The following ITPK1 variants were observed in gnomAD, a reference collection of about 807,000 sequenced individuals.
ITPK1 encodes inositol-tetrakisphosphate 1-kinase, also known as inositol 1,3,4-trisphosphate 5/6-kinase.
A neutral mutation model predicts 45.3 loss-of-function variants in ITPK1; 21 were observed. That is an observed-to-expected ratio of 0.46 (90% CI 0.33 to 0.67). The LOEUF (loss-of-function observed/expected upper bound fraction) is 0.67. ITPK1 is among the 30% of genes least tolerant of loss of function. ITPK1 has a pLI of 0.02. For missense variants in ITPK1, 474 were observed against 573.5 expected (o/e 0.83, Z 1.77); for synonymous variants, 258 against 253.6 (o/e 1.02, Z -0.16).
At chr14:92,962,714 A>G (rs757379555) in intron 6 of ITPK1, 37 bp downstream of exon 6, 13 of 1,491,874 alleles carry the variant, frequency 8.7e-6, no homozygotes, top group Non-Finnish European at 1.2e-5. Flanking sequence ...TGCGGTCTAC[A>G]GCGCCTGCCC....
chr14:93,042,887 G>A lies in ITPK1; in HGVS notation c.121-26086C>T, dbSNP rs149612761. Among the ~76,000 whole-genome samples the A allele has an allele frequency of 7.4e-3, 1,125 of 152,126 alleles. 16 individuals carry two copies. Among genetic ancestry groups the A allele is most frequent in the African/African-American group, 0.025 (1,045 of 41,504 alleles). ...TCAAGAATTACCCAGGCATGGTGGC[G>A]TGCACCTGCAATCGCAGCTACTCGG... On this transcript the variant is annotated intron_variant, in intron 3 of 10. Coordinates refer to ENST00000267615, the MANE Select transcript of ITPK1 (RefSeq NM_014216.6).
chr14:92,976,056 T>G (rs1306644466), intron 5 of ITPK1, among the ~76,000 whole-genome samples: 1 of 152,232 alleles, frequency 6.6e-6, no homozygotes, highest in African/African-American at 2.4e-5. Context: ...GTAAGTTTCC[T>G]AAGGCCTCCC....
chr14:93,083,431 G>A (rs1891521777), intron 2 of ITPK1, among the ~76,000 whole-genome samples: 1 of 152,184 alleles, frequency 6.6e-6, no homozygotes, highest in Non-Finnish European at 1.5e-5. Context: ...TGCAGCAAGT[G>A]AAGTACATGA....
chr14:92,968,737 G>C lies in ITPK1; in HGVS notation c.365-5888C>G, dbSNP rs115360435. ...TTGGGTGGCCAGGAAAGGTCTGCAC[G>C]GTCATTCTTGTTCATTCGTCCCAGG... On this transcript the variant is annotated intron_variant, in intron 5 of 10. Transcript: ENST00000267615. Among the ~76,000 whole-genome samples the C allele has an allele frequency of 6.5e-3, 983 of 152,326 alleles. 13 individuals carry two copies. The highest frequency in any genetic ancestry group is 0.023 in the African/African-American group (943 of 41,570).
chr14:93,080,738 T>C (rs1196560875), intron 2 of ITPK1, among the ~76,000 whole-genome samples: 1 of 151,994 alleles, frequency 6.6e-6, no homozygotes, highest in African/African-American at 2.4e-5. Context: ...ACAATAAAAG[T>C]TACATTTTTT....
At chr14:93,024,977 G>C (rs1036580818) in intron 3 of ITPK1, among the ~76,000 whole-genome samples, 1 of 152,174 alleles carries the variant, frequency 6.6e-6, no homozygotes, top group African/African-American at 2.4e-5. Flanking sequence ...GAGGGGGCCA[G>C]AGGCAGGGAA....
At chr14:93,108,200 G>T (rs371103805) in intron 2 of ITPK1, among the ~76,000 whole-genome samples, 9 of 152,388 alleles carry the variant, frequency 5.9e-5, no homozygotes, top group Admixed American at 4.6e-4. Flanking sequence ...AGGTGTTTAA[G>T]ACAGTGACTT....
intron 2 of ITPK1, among the ~76,000 whole-genome samples, chr14:93,090,247 A>G (rs1007150432): frequency 3.3e-5 from 5 of 151,608 alleles, no homozygotes; most frequent in Non-Finnish European, 7.4e-5. Context: ...GTTCTTTCAC[A>G]CTTCTGACCA....
intron 2 of ITPK1, among the ~76,000 whole-genome samples, chr14:93,085,124 C>G (rs568114999): frequency 1.3e-5 from 2 of 152,352 alleles, no homozygotes; most frequent in South Asian, 4.1e-4. Flanking sequence ...GGTTTACTTG[C>G]TGATTGTTTG....
intron 2 of ITPK1, among the ~76,000 whole-genome samples, chr14:93,098,937 C>T (rs1892198522): frequency 6.6e-6 from 1 of 152,180 alleles, no homozygotes; most frequent in Non-Finnish European, 1.5e-5. Flanking sequence ...CCACTCGTTT[C>T]AGAAAGGAAC....
intron 1 of ITPK1, 145 bp from the exon 2 acceptor site, chr14:93,115,450 C>T (rs926187526): frequency 6.7e-6 from 1 of 148,802 alleles, no homozygotes; most frequent in African/African-American, 2.4e-5. Flanking sequence ...CCCACCGGCT[C>T]GCGAGCGCCG....
At chr14:93,110,360 A>T (rs1477343633) in intron 2 of ITPK1, among the ~76,000 whole-genome samples, 2 of 152,118 alleles carry the variant, frequency 1.3e-5, no homozygotes, top group African/African-American at 2.4e-5. Context: ...TAAAACAAAT[A>T]AAAAAATACC....
intron 3 of ITPK1, among the ~76,000 whole-genome samples, chr14:93,067,181 T>A (rs965790454): frequency 6.6e-6 from 1 of 152,226 alleles, no homozygotes; most frequent in African/African-American, 2.4e-5. Flanking sequence ...CTCTTTTCTT[T>A]GCTTTTACGT....
Position 93,076,510 on chromosome 14 carries a change from T to A in ITPK1, c.120+85A>T, listed in dbSNP as rs762206714. The A allele has an allele frequency of 4.7e-5, 69 of 1,461,664 alleles. No individual in the cohort carries two copies. Among genetic ancestry groups the A allele is most frequent in the Non-Finnish European group, 6.0e-5 (63 of 1,045,572 alleles). The allele number at this position is 1,461,664 out of a possible 1,614,324, so 90.5% of individuals were successfully genotyped here. A position where few individuals can be genotyped will look rare whatever the true frequency, so the allele number is the denominator to read the frequency against. ...GAAGAAGAGAGAAAGCCGTGCCCAA[T>A]GCTGGAGGAGAGAAGGAGAGACAGA... On this transcript the variant is annotated intron_variant, in intron 3 of 10. Coordinates refer to ENST00000267615, the MANE Select transcript of ITPK1 (RefSeq NM_014216.6). This position sits in a 1 kb window ranked among gnomAD's most constrained non-coding sequence, Gnocchi z 4.3.
intron 3 of ITPK1, among the ~76,000 whole-genome samples, chr14:93,066,704 G>C (rs1031252767): frequency 1.3e-5 from 2 of 152,080 alleles, no homozygotes; most frequent in African/African-American, 2.4e-5. Context: ...GCACCCACCT[G>C]ACATTTAGCA....
At chr14:93,104,970 T>C (rs1215341082) in intron 2 of ITPK1, among the ~76,000 whole-genome samples, 1 of 152,132 alleles carries the variant, frequency 6.6e-6, no homozygotes, top group Non-Finnish European at 1.5e-5. Context: ...GCCAGATCGG[T>C]CCCAGGAATG....
chr14:93,085,653 C>T (rs769561024), intron 2 of ITPK1, among the ~76,000 whole-genome samples: 1 of 152,116 alleles, frequency 6.6e-6, no homozygotes, highest in Admixed American at 6.5e-5. Context: ...GGAAGTGAGG[C>T]GAGGGCAGGA....
intron 2 of ITPK1, among the ~76,000 whole-genome samples, chr14:93,106,496 C>T (rs913341092): frequency 5.3e-5 from 8 of 152,198 alleles, no homozygotes; most frequent in African/African-American, 1.9e-4. Context: ...GTGGCCTCTA[C>T]AAAGTGGACA....
At chr14:93,074,603 C>G (rs116155175) in intron 3 of ITPK1, among the ~76,000 whole-genome samples, 3 of 152,150 alleles carry the variant, frequency 2.0e-5, no homozygotes, top group African/African-American at 7.2e-5. Context: ...CACAGCAGTT[C>G]CCCCATGGAC....
Sources: allele counts gnomAD v4.1 joint callset (sites outside exome capture counted in the v4.1 genomes callset), GRCh38; gene constraint gnomAD v4.1.1; non-coding constraint Gnocchi (gnomAD v3.1); transcripts MANE v1.5; gene names NCBI Gene and HGNC (gene_info 2026-07-23, HGNC 2026-07-21).